Variants in TRDN observed in about 807,000 individuals in gnomAD.
The protein encoded by TRDN is triadin in skeletal muscle.
Under a neutral mutation model 149.7 loss-of-function variants are expected in TRDN, and 161 were observed. That is an observed-to-expected ratio of 1.08 (90% confidence interval 0.95 to 1.23). TRDN has a LOEUF of 1.23. Ranked by LOEUF, TRDN falls within the 50% of genes most tolerant of loss-of-function variation. The pLI is 0.00. For missense variants in TRDN, 896 were observed against 823.5 expected (o/e 1.09, Z -1.08); for synonymous variants, 294 against 250.5 (o/e 1.17, Z -1.64).
intron 1 of TRDN, among the ~76,000 whole-genome samples, chr6:123,588,108 G>C (rs1319956407): frequency 6.6e-6 from 1 of 152,136 alleles, no homozygotes; most frequent in Non-Finnish European, 1.5e-5. Context: ...AAAGGTGCTA[G>C]ACTCTCAGTT....
In TRDN at chr6:123,221,494, C is replaced by T. The variant is rs1228859957; in HGVS notation, c.2043G>A (p.Lys681=). 1 of 1,565,890 alleles carries T rather than the reference C, an allele frequency of 6.4e-7. No homozygotes were observed. The highest frequency in any genetic ancestry group is 1.7e-5 in the Admixed American group (1 of 58,444). ...KEGTEDVSPT[K]QKSPISFFQC... ...ATCTCATTATAAACTTACTTTTCTGCTTTGTGGGAGACACATCTTCAGTTC... is the reference window on the plus strand; with the variant it reads ...ATCTCATTATAAACTTACTTTTCTGTTTTGTGGGAGACACATCTTCAGTTC... The change falls in exon 40 of 41, where the codon AAG becomes AAA. Residue 681 remains lysine, a synonymous_variant. Transcript: ENST00000334268.
chr6:123,336,997 T>C (rs903596208), intron 22 of TRDN, among the ~76,000 whole-genome samples: 1 of 151,972 alleles, frequency 6.6e-6, no homozygotes, highest in South Asian at 2.1e-4. Flanking sequence ...TAGGATCAGT[T>C]TAAATATTTA....
intron 19 of TRDN, among the ~76,000 whole-genome samples, chr6:123,368,586 T>C (rs957780222): frequency 6.6e-6 from 1 of 152,156 alleles, no homozygotes. Flanking sequence ...TGGGAGTCAC[T>C]GATATACACA....
At chr6:123,342,036 A>G (rs2114259065) in intron 21 of TRDN, among the ~76,000 whole-genome samples, 1 of 152,046 alleles carries the variant, frequency 6.6e-6, no homozygotes, top group East Asian at 1.9e-4. Context: ...TCAATTTCAT[A>G]ATTACTAGGT....
intron 3 of TRDN, among the ~76,000 whole-genome samples, 191 bp from the exon 4 acceptor site, chr6:123,547,563 G>T (rs1338262404): frequency 1.3e-5 from 2 of 151,622 alleles, no homozygotes; most frequent in African/African-American, 4.8e-5. Context: ...ATATAAGATT[G>T]TTTCATTTTT....
At chr6:123,331,457 A>T (rs1779655081) in intron 23 of TRDN, among the ~76,000 whole-genome samples, 1 of 152,164 alleles carries the variant, frequency 6.6e-6, no homozygotes, top group East Asian at 1.9e-4. Flanking sequence ...CCTCCTAGCT[A>T]TACAATATGT....
intron 38 of TRDN, among the ~76,000 whole-genome samples, chr6:123,231,451 A>C (rs912279321): frequency 1.3e-5 from 2 of 152,020 alleles, no homozygotes; most frequent in Non-Finnish European, 2.9e-5. Flanking sequence ...AGGAAAAGAG[A>C]ATGATGGGAT....
chr6:123,453,873 G>C (rs934191123), intron 10 of TRDN, among the ~76,000 whole-genome samples: 9 of 150,118 alleles, frequency 6.0e-5, no homozygotes, highest in Middle Eastern at 3.4e-3. Context: ...CAGTCAATGA[G>C]TGGATAAAGA....
At chr6:123,600,493 A>G (rs1169555378) in intron 1 of TRDN, among the ~76,000 whole-genome samples, 1 of 152,016 alleles carries the variant, frequency 6.6e-6, no homozygotes, top group East Asian at 1.9e-4. Flanking sequence ...GCAGTGGACA[A>G]TGGAGAAAAT....
At chr6:123,429,411 C>T (rs890599601) in intron 12 of TRDN, among the ~76,000 whole-genome samples, 4 of 152,090 alleles carry the variant, frequency 2.6e-5, no homozygotes, top group African/African-American at 7.2e-5. Flanking sequence ...TTCAAAAATA[C>T]GCTTTTGGGA....
intron 24 of TRDN, among the ~76,000 whole-genome samples, chr6:123,308,265 T>TGGGC (rs1231985265): frequency 1.3e-5 from 2 of 151,934 alleles, no homozygotes; most frequent in Non-Finnish European, 2.9e-5. Flanking sequence ...CCACCATGGA[T>TGGGC]GGGCACCTAG....
chr6:123,509,916 A>G (rs1779096875), intron 7 of TRDN: 1 of 152,082 alleles, frequency 6.6e-6, no homozygotes, highest in Non-Finnish European at 1.5e-5. Flanking sequence ...CAAATCATAT[A>G]CCAGTTTTAT....
intron 14 of TRDN, among the ~76,000 whole-genome samples, chr6:123,384,940 C>CT (rs1781851226): frequency 6.6e-6 from 1 of 152,144 alleles, no homozygotes; most frequent in Non-Finnish European, 1.5e-5. Flanking sequence ...CAGCTTAAAA[C>CT]ATTACAAAGG....
At chr6:123,625,541 A>C (rs781680572) in intron 1 of TRDN, among the ~76,000 whole-genome samples, 1 of 152,200 alleles carries the variant, frequency 6.6e-6, no homozygotes, top group East Asian at 1.9e-4. Context: ...TGATAGCACA[A>C]TAGTGACTAC....
rs994724436 is a variant in TRDN at position 123,265,931 on chromosome 6, C to A, written c.1784-593G>T. On this transcript the variant is annotated intron_variant, in intron 32 of 40. Coordinates refer to ENST00000334268, the MANE Select transcript of TRDN (RefSeq NM_006073.4). ...TATTAACTAAAAACGTTAACTGTGTCATCGTACATCTAAAGTTCTATTTCT... is the reference window on the plus strand; with the variant it reads ...TATTAACTAAAAACGTTAACTGTGTAATCGTACATCTAAAGTTCTATTTCT... 5.5e-5 allele frequency among the ~76,000 whole-genome samples: 8 copies of A among 146,346 alleles called. No individual in the cohort carries two copies. The South Asian group carries it at 6.3e-4, about 12-fold the overall frequency.
intron 20 of TRDN, among the ~76,000 whole-genome samples, chr6:123,360,933 T>C (rs746944170): frequency 2.6e-5 from 4 of 152,188 alleles, no homozygotes; most frequent in Non-Finnish European, 5.9e-5. Flanking sequence ...CCTCTGAGAT[T>C]AAAAGATAGA....
At chr6:123,404,691 C>T (rs778781098) in intron 12 of TRDN, among the ~76,000 whole-genome samples, 2 of 152,124 alleles carry the variant, frequency 1.3e-5, no homozygotes, top group Admixed American at 1.3e-4. Context: ...GTGATCCACT[C>T]GCCTCAGCTT....
At chr6:123,298,020 G>A (rs532371805) in intron 24 of TRDN, among the ~76,000 whole-genome samples, 2 of 151,960 alleles carry the variant, frequency 1.3e-5, no homozygotes, top group East Asian at 3.9e-4. Context: ...TTCATCATAG[G>A]CTTGAAAAAT....
At chr6:123,399,191 TA>T (rs1246857057) in intron 12 of TRDN, among the ~76,000 whole-genome samples, 2 of 152,228 alleles carry the variant, frequency 1.3e-5, no homozygotes, top group Non-Finnish European at 2.9e-5. Flanking sequence ...GGTCAAAATC[TA>T]CCTATAGATG....
Sources: gnomAD v4.1 joint callset for allele counts (sites outside exome capture counted in the v4.1 genomes callset) on GRCh38, gnomAD v4.1.1 for gene constraint, MANE v1.5 for transcripts, NCBI Gene and HGNC (gene_info 2026-07-23, HGNC 2026-07-21) for gene names.